Variants in RIMBP2 observed in about 807,000 individuals in gnomAD.
The protein encoded by RIMBP2 is RIMS binding protein 2.
Under a neutral mutation model 118.6 loss-of-function variants are expected in RIMBP2, and 48 were observed. The ratio of observed to expected loss-of-function variants is 0.40; its 90% confidence interval spans 0.32 to 0.51. The LOEUF (loss-of-function observed/expected upper bound fraction) is 0.51, where lower values mean the gene tolerates loss of function less well. Ranked by LOEUF, RIMBP2 falls within the 20% of genes least tolerant of loss-of-function variation. The pLI is 0.41. For missense variants in RIMBP2, 1,551 were observed against 1,768.3 expected (o/e 0.88, Z 2.20); for synonymous variants, 762 against 742.9 (o/e 1.03, Z -0.42).
At chr12:130,666,770 GGAGAGAGGGAA>G (rs2063931691) in intron 1 of RIMBP2, among the ~76,000 whole-genome samples, 1 of 138,470 alleles carries the variant, frequency 7.2e-6, no homozygotes, top group Admixed American at 7.2e-5. Flanking sequence ...AGGGAAGGAA[GGAGAGAGGGAA>G]GAAGGGAGGG....
intron 3 of RIMBP2, among the ~76,000 whole-genome samples, chr12:130,513,739 C>T (rs1007963075): frequency 2.0e-5 from 3 of 152,190 alleles, no homozygotes; most frequent in African/African-American, 7.2e-5. Flanking sequence ...CACCTAAGAA[C>T]CAATCATTTC....
chr12:130,664,219 G>A (rs561711658), intron 1 of RIMBP2, among the ~76,000 whole-genome samples: 1 of 151,692 alleles, frequency 6.6e-6, no homozygotes, highest in Non-Finnish European at 1.5e-5. Flanking sequence ...TAGAATCCAG[G>A]TTTCTCAGTC....
intron 1 of RIMBP2, among the ~76,000 whole-genome samples, chr12:130,691,802 A>G (rs1211518164): frequency 6.6e-6 from 1 of 152,210 alleles, no homozygotes; most frequent in African/African-American, 2.4e-5. Flanking sequence ...AGTTCAGATG[A>G]TGTGCAAAAT....
At chr12:130,695,285 C>T (rs4759755) in intron 1 of RIMBP2, among the ~76,000 whole-genome samples, 38,269 of 151,988 alleles carry the variant, frequency 0.25, 5,239 homozygotes, top group South Asian at 0.38. Flanking sequence ...TCAGCTCCCA[C>T]GCGAGCCAGG....
chr12:130,399,829 T>A lies in RIMBP2; in HGVS notation c.3766-16A>T. ...TCAGCTCCCCCTAAAACACCAGGGG[T>A]GAGGCAGAAGAACTATTTATTTTTC... On this transcript the variant is annotated splice_polypyrimidine_tract_variant and intron_variant, in intron 21 of 22. Transcript: ENST00000690449. The A allele has an allele frequency of 6.2e-7, 1 of 1,613,520 alleles. No individual in the cohort carries two copies. Among genetic ancestry groups the A allele is most frequent in the Non-Finnish European group, 8.5e-7 (1 of 1,179,716 alleles).
chr12:130,572,359 G>A (rs2057741784), intron 2 of RIMBP2, among the ~76,000 whole-genome samples: 1 of 152,064 alleles, frequency 6.6e-6, no homozygotes, highest in African/African-American at 2.4e-5. Flanking sequence ...AATCACCCCC[G>A]CAACCAGCAG....
intron 2 of RIMBP2, among the ~76,000 whole-genome samples, chr12:130,522,095 T>A (rs746135708): frequency 6.6e-5 from 10 of 152,202 alleles, no homozygotes; most frequent in Non-Finnish European, 1.0e-4. Context: ...GGGCCACATG[T>A]CCCTGAAATC....
chr12:130,541,329 A>G (rs1045975003), intron 2 of RIMBP2, among the ~76,000 whole-genome samples: 1 of 152,178 alleles, frequency 6.6e-6, no homozygotes, highest in African/African-American at 2.4e-5. Flanking sequence ...TCCCTCTAGG[A>G]TTCTTTCCTT....
chr12:130,522,985 C>T (rs1449587908), intron 2 of RIMBP2, among the ~76,000 whole-genome samples: 1 of 152,046 alleles, frequency 6.6e-6, no homozygotes, highest in Non-Finnish European at 1.5e-5. Flanking sequence ...TCTCACTCTG[C>T]CTCGGTTTTA....
At chr12:130,713,181 GGAAGGAAA>G (rs1272958570) in intron 1 of RIMBP2, among the ~76,000 whole-genome samples, 2 of 144,076 alleles carry the variant, frequency 1.4e-5, no homozygotes, top group Non-Finnish European at 3.0e-5. Flanking sequence ...GAAGAAGGAA[GGAAGGAAA>G]GAAGGAAGGA....
intron 2 of RIMBP2, among the ~76,000 whole-genome samples, chr12:130,527,639 A>G (rs4237818): frequency 0.83 from 126,821 of 152,070 alleles, 52,991 homozygotes; most frequent in East Asian, 0.97. Flanking sequence ...AGAAACTATC[A>G]TCAGAGCAAA....
chr12:130,460,062 A>C (rs1215802003), intron 6 of RIMBP2, among the ~76,000 whole-genome samples: 1 of 152,202 alleles, frequency 6.6e-6, no homozygotes, highest in African/African-American at 2.4e-5. Context: ...TTAGAGATGA[A>C]CCAGGTCACC....
intron 6 of RIMBP2, among the ~76,000 whole-genome samples, chr12:130,457,463 C>G (rs978323936): frequency 8.5e-5 from 13 of 152,200 alleles, no homozygotes; most frequent in African/African-American, 2.7e-4. Context: ...GGCTTCCTCC[C>G]AGGTCAGAGG....
At chr12:130,606,924 C>T (rs1253675140) in intron 2 of RIMBP2, among the ~76,000 whole-genome samples, 2 of 152,154 alleles carry the variant, frequency 1.3e-5, no homozygotes, top group Non-Finnish European at 2.9e-5. Context: ...CTCCGCCTCC[C>T]GGGTTCAAGC....
chr12:130,604,309 C>G (rs2060040599), intron 2 of RIMBP2, among the ~76,000 whole-genome samples: 1 of 140,400 alleles, frequency 7.1e-6, no homozygotes, highest in East Asian at 2.1e-4. Context: ...AAAAAAAAAA[C>G]CTCACAGTAA....
At chr12:130,613,813 CAAAAAAAAAA>C (rs376443531) in intron 2 of RIMBP2, among the ~76,000 whole-genome samples, 2 of 105,072 alleles carry the variant, frequency 1.9e-5, no homozygotes, top group East Asian at 2.8e-4. Context: ...GACTCTGTCT[CAAAAAAAAAA>C]AAAAAAAAAA....
intron 2 of RIMBP2, among the ~76,000 whole-genome samples, chr12:130,545,324 T>C (rs959746675): frequency 6.6e-6 from 1 of 152,170 alleles, no homozygotes; most frequent in Admixed American, 6.5e-5. Flanking sequence ...AATGTGGCTG[T>C]CTCAACCAAC....
chr12:130,576,144 G>A lies in RIMBP2; in HGVS notation c.-217+52178C>T, dbSNP rs2058072382. On this transcript the variant is annotated intron_variant, in intron 2 of 22. Coordinates refer to ENST00000690449, the MANE Select transcript of RIMBP2 (RefSeq NM_001393629.1). The surrounding 1 kb of genome is among the most constrained non-coding windows in gnomAD (Gnocchi z 4.2). ...GCTGCGGACAGGTGAGGGGGAGGAG[G>A]GGGCTGCAGATCGTACCTTGTAGGC... Among the ~76,000 whole-genome samples, 1 of 152,070 alleles carries A rather than the reference G, an allele frequency of 6.6e-6. No individual in the cohort carries two copies. Among genetic ancestry groups the A allele is most frequent in the South Asian group, 2.1e-4 (1 of 4,820 alleles).
rs1048211353 is a variant in RIMBP2, at chr12:130,622,565, C to T, written c.-217+5757G>A. ...GTGGTCCCAAACTCCTGGACTCAAG[C>T]GATCCTCCCACCTTTGCCTCCCACA... is the stretch of plus-strand genomic sequence containing the variant. On this transcript the variant is annotated intron_variant, in intron 2 of 22. Coordinates refer to ENST00000690449, the MANE Select transcript of RIMBP2 (RefSeq NM_001393629.1). This position sits in a 1 kb window ranked among gnomAD's most constrained non-coding sequence, Gnocchi z 8.5. Among the ~76,000 whole-genome samples the T allele has an allele frequency of 5.9e-5, 9 of 152,000 alleles. No individual in the cohort carries two copies. Among genetic ancestry groups the T allele is most frequent in the African/African-American group, 1.2e-4 (5 of 41,374 alleles).
Sources: allele counts gnomAD v4.1 joint callset (sites outside exome capture counted in the v4.1 genomes callset), GRCh38; gene constraint gnomAD v4.1.1; non-coding constraint Gnocchi (gnomAD v3.1); transcripts MANE v1.5; gene names NCBI Gene and HGNC (gene_info 2026-07-23, HGNC 2026-07-21).